Variants in SPAG16 observed in about 807,000 individuals in gnomAD.
SPAG16 encodes the protein sperm-associated antigen 16 protein.
SPAG16 carries 86 observed loss-of-function variants against 80.4 expected under a neutral mutation model. The ratio of observed to expected loss-of-function variants is 1.07; its 90% CI spans 0.90 to 1.28. The LOEUF (loss-of-function observed/expected upper bound fraction) is 1.28, where lower values mean the gene tolerates loss of function less well. Among genes scored for constraint, SPAG16 ranks in the 50% most tolerant of loss-of-function variants. SPAG16 has a pLI of 0.00. For missense variants in SPAG16, 870 were observed against 765.3 expected (o/e 1.14, Z -1.61); for synonymous variants, 294 against 265.9 (o/e 1.11, Z -1.03).
At position 213,292,589 on chromosome 2, in the gene SPAG16, G is replaced by A. The variant is rs1251856290; in HGVS notation, c.137-3475G>A. ...TGAGGCAGGAGAATGGCGTGAACCC[G>A]GGAGGCGGAGCTTGCAGTGAGCCGA... On this transcript the variant is annotated intron_variant, in intron 1 of 15. Transcript: ENST00000331683. 4.7e-5 allele frequency among the ~76,000 whole-genome samples: 7 copies of A among 147,696 alleles called. 1 individual carries two copies. Among genetic ancestry groups the A allele is most frequent in the Non-Finnish European group, 7.5e-5 (5 of 66,810 alleles).
intron 15 of SPAG16, among the ~76,000 whole-genome samples, chr2:214,327,332 C>T (rs1438610708): frequency 6.6e-6 from 1 of 152,178 alleles, no homozygotes; most frequent in African/African-American, 2.4e-5. Flanking sequence ...TGAATCATGG[C>T]TCTACCATCC....
intron 9 of SPAG16, among the ~76,000 whole-genome samples, chr2:213,482,387 C>A (rs748781839): frequency 2.6e-5 from 4 of 152,068 alleles, no homozygotes; most frequent in African/African-American, 4.8e-5. Context: ...CTAAACATCC[C>A]GATGCTGAAT....
At chr2:213,287,821 G>A (rs2062110115) in intron 1 of SPAG16, among the ~76,000 whole-genome samples, 1 of 152,156 alleles carries the variant, frequency 6.6e-6, no homozygotes, top group South Asian at 2.1e-4. Context: ...CTAGACTGAT[G>A]CCCTTATCTG....
intron 10 of SPAG16, among the ~76,000 whole-genome samples, chr2:213,697,903 A>T (rs888962480): frequency 6.6e-6 from 1 of 152,150 alleles, no homozygotes; most frequent in African/African-American, 2.4e-5. Context: ...CTTTTTATAT[A>T]GTCCTTTTAA....
intron 15 of SPAG16, among the ~76,000 whole-genome samples, chr2:214,309,607 T>C (rs888583015): frequency 5.3e-5 from 8 of 152,052 alleles, no homozygotes; most frequent in African/African-American, 1.9e-4. Flanking sequence ...GAGGGTTTGA[T>C]TGTGTTATAA....
chr2:213,296,691 C>T (rs572324524), intron 2 of SPAG16, among the ~76,000 whole-genome samples: 35 of 152,258 alleles, frequency 2.3e-4, no homozygotes, highest in African/African-American at 8.2e-4. Flanking sequence ...AAATTGGAGA[C>T]AGGCTTTTTA....
chr2:214,272,862 A>G (rs1299126576), intron 15 of SPAG16, among the ~76,000 whole-genome samples: 3 of 151,700 alleles, frequency 2.0e-5, no homozygotes, highest in Non-Finnish European at 3.0e-5. Context: ...CTGAGGAATC[A>G]CCACACTGTC....
intron 9 of SPAG16, among the ~76,000 whole-genome samples, chr2:213,382,304 T>C (rs1254231536): frequency 6.6e-6 from 1 of 152,202 alleles, no homozygotes; most frequent in African/African-American, 2.4e-5. Context: ...AGCAATTCAG[T>C]TTACTTAGTT....
intron 10 of SPAG16, among the ~76,000 whole-genome samples, chr2:213,528,776 C>T (rs1314462711): frequency 6.6e-6 from 1 of 152,060 alleles, no homozygotes; most frequent in African/African-American, 2.4e-5. Context: ...TATAGCTGAT[C>T]AGACAAAAAA....
intron 15 of SPAG16, among the ~76,000 whole-genome samples, chr2:214,355,664 C>T (rs1482482518): frequency 6.6e-6 from 1 of 151,146 alleles, no homozygotes; most frequent in East Asian, 2.0e-4. Flanking sequence ...CCAGCCATCC[C>T]ATTACTGGGT....
chr2:214,325,135 A>T (rs1157402026), intron 15 of SPAG16, among the ~76,000 whole-genome samples: 1 of 152,244 alleles, frequency 6.6e-6, no homozygotes, highest in Non-Finnish European at 1.5e-5. Context: ...CCCACAATCC[A>T]GCTTTTGAGA....
chr2:214,345,763 T>C (rs1323300190), intron 15 of SPAG16, among the ~76,000 whole-genome samples: 2 of 152,104 alleles, frequency 1.3e-5, no homozygotes, highest in Admixed American at 6.6e-5. Flanking sequence ...GTTATTATTA[T>C]ATTATAATAA....
chr2:213,809,817 T>C (rs1161154014), intron 10 of SPAG16, among the ~76,000 whole-genome samples: 1 of 152,204 alleles, frequency 6.6e-6, no homozygotes, highest in Non-Finnish European at 1.5e-5. Context: ...ATGTGCATGT[T>C]TTCCTTTAAC....
chr2:214,221,342 C>T (rs894784488), intron 15 of SPAG16, among the ~76,000 whole-genome samples: 20 of 151,794 alleles, frequency 1.3e-4, no homozygotes, highest in African/African-American at 4.1e-4. Context: ...GTCTAATATC[C>T]GAGGCTTTGT....
intron 10 of SPAG16, among the ~76,000 whole-genome samples, chr2:213,786,823 T>G (rs1177630670): frequency 6.6e-6 from 1 of 152,164 alleles, no homozygotes; most frequent in East Asian, 1.9e-4. Flanking sequence ...TCATTGTGCC[T>G]TAATTTAATA....
intron 10 of SPAG16, among the ~76,000 whole-genome samples, chr2:213,527,465 A>G (rs188803918): frequency 6.6e-6 from 1 of 152,262 alleles, no homozygotes; most frequent in East Asian, 1.9e-4. Context: ...CTGAGATTTA[A>G]GGAGAGGAAT....
At chr2:213,501,498 T>C (rs2074740480) in intron 10 of SPAG16, among the ~76,000 whole-genome samples, 1 of 152,232 alleles carries the variant, frequency 6.6e-6, no homozygotes, top group South Asian at 2.1e-4. Context: ...TATTTTCTTA[T>C]GCAAAACACT....
intron 4 of SPAG16, among the ~76,000 whole-genome samples, chr2:213,311,393 TTA>T (rs1268366075): frequency 1.3e-5 from 2 of 151,720 alleles, no homozygotes; most frequent in East Asian, 3.9e-4. Context: ...CATGTGATGC[TTA>T]TATGTTAGGC....
chr2:213,656,425 C>T (rs1475184751), intron 10 of SPAG16, among the ~76,000 whole-genome samples: 1 of 152,210 alleles, frequency 6.6e-6, no homozygotes, highest in African/African-American at 2.4e-5. Context: ...TCCCAAAGTG[C>T]TGGGATTACA....
Sources: allele counts gnomAD v4.1 joint callset (sites outside exome capture counted in the v4.1 genomes callset), GRCh38; gene constraint gnomAD v4.1.1; transcripts MANE v1.5; gene names NCBI Gene and HGNC (gene_info 2026-07-23, HGNC 2026-07-21).